Variants in ZFP90 observed in about 807,000 individuals in gnomAD.
ZFP90 encodes ZFP90 zinc finger protein.
A neutral mutation model predicts 60.8 loss-of-function variants in ZFP90; 38 were observed. That is an observed-to-expected ratio of 0.62 (90% CI 0.48 to 0.82). The LOEUF is 0.82. ZFP90 is among the 40% of genes least tolerant of loss of function. The pLI is 0.00. For synonymous variants in ZFP90, 287 were observed against 264.8 expected (o/e 1.08, Z -0.82); for missense variants, 711 against 759.1 (o/e 0.94, Z 0.74).
chr16:68,540,583 T>C (rs2091023975), intron 2 of ZFP90, among the ~76,000 whole-genome samples: 1 of 152,152 alleles, frequency 6.6e-6, no homozygotes, highest in African/African-American at 2.4e-5. Context: ...ATCCAGATGG[T>C]ATCTGTATCT....
At chr16:68,576,496 C>T (rs2091594696), downstream of ZFP90, among the ~76,000 whole-genome samples, 1 of 152,118 alleles carries the variant, frequency 6.6e-6, no homozygotes, top group South Asian at 2.1e-4. Flanking sequence ...CCTGTAATCC[C>T]AGCACTTTGG....
chr16:68,566,155 A>C lies in ZFP90; in HGVS notation c.*1457A>C, dbSNP rs954832383. ...CACATCAATTTATTTTAGTTGTATA[A>C]TGCTTTTCTATTAGTAAAGCATCAG... On this transcript the variant is annotated 3_prime_UTR_variant, in exon 5 of 5. Transcript: ENST00000563169. 2.0e-6 allele frequency: 2 copies of C among 985,346 alleles called. No individual in the cohort carries two copies. The highest frequency in any genetic ancestry group is 3.5e-5 in the African/African-American group (2 of 57,164). The allele number at this position is 985,346 out of a possible 1,614,324, so 61.0% of individuals were successfully genotyped here.
At chr16:68,557,424 TC>T (rs2091363299) in intron 2 of ZFP90, 1 of 362,078 alleles carries the variant, frequency 2.8e-6, no homozygotes, top group Admixed American at 3.3e-5. Context: ...GTGCAATTAT[TC>T]CACTATGCAA....
intron 2 of ZFP90, among the ~76,000 whole-genome samples, chr16:68,540,924 T>TC (rs1430436599): frequency 2.7e-5 from 4 of 150,538 alleles, no homozygotes; most frequent in African/African-American, 9.7e-5. Flanking sequence ...TTTTTTTTTT[T>TC]TTTTTGAAAC....
Position 68,565,367 on chromosome 16 carries a change from G to A in ZFP90, c.*669G>A, listed in dbSNP as rs1268852810. ...TTAAAATAAATTTTAAGATGTATCAGATACACAAACATTTAATGGGCACCT... is the reference window on the plus strand; with the variant it reads ...TTAAAATAAATTTTAAGATGTATCAAATACACAAACATTTAATGGGCACCT... On this transcript the variant is annotated 3_prime_UTR_variant, in exon 5 of 5. Coordinates refer to ENST00000563169, the MANE Select transcript of ZFP90 (RefSeq NM_001305203.2). 3.0e-6 allele frequency: 3 copies of A among 985,476 alleles called. No homozygotes were observed. The highest frequency in any genetic ancestry group is 1.1e-4 in the East Asian group (1 of 8,966). The allele number at this position is 985,476 out of a possible 1,614,324, so 61.0% of individuals were successfully genotyped here.
At chr16:68,571,736 T>C (rs1170431), downstream of ZFP90, among the ~76,000 whole-genome samples, 116,892 of 152,128 alleles carry the variant, frequency 0.77, 44,999 homozygotes, top group East Asian at 0.82. Context: ...GAGACCAGCC[T>C]AAGCAACATA....
At chr16:68,546,780 G>C (rs1461573404) in intron 2 of ZFP90, among the ~76,000 whole-genome samples, 1 of 152,212 alleles carries the variant, frequency 6.6e-6, no homozygotes, top group African/African-American at 2.4e-5. Context: ...CCAAAGTGCT[G>C]GGATTAGAGG....
chr16:68,539,909 C>A (rs1261856118), intron 2 of ZFP90, 84 bp downstream of exon 2: 3 of 1,516,738 alleles, frequency 2.0e-6, no homozygotes, highest in Non-Finnish European at 2.7e-6. Flanking sequence ...AGTCATTGTT[C>A]TCTGCCTGGC....
chr16:68,543,717 C>T (rs576196455), intron 2 of ZFP90, among the ~76,000 whole-genome samples: 7 of 151,880 alleles, frequency 4.6e-5, no homozygotes, highest in East Asian at 1.9e-4. Flanking sequence ...TGTGTCACCA[C>T]GCCCAGCTAA....
upstream of ZFP90, among the ~76,000 whole-genome samples, chr16:68,535,299 C>A (rs185776045): frequency 7.1e-4 from 108 of 152,296 alleles, 1 homozygote; most frequent in East Asian, 0.017. Flanking sequence ...GTTACAAATT[C>A]TCGGGAAAGA....
At chr16:68,557,095 C>T (rs2091356214) in intron 2 of ZFP90, 1 of 430,110 alleles carries the variant, frequency 2.3e-6, no homozygotes, top group Non-Finnish European at 4.7e-6. Context: ...TCAAGTGATC[C>T]TTCCAGCTCA....
chr16:68,564,870 C>G lies in ZFP90; in HGVS notation c.*172C>G, dbSNP rs1381814251. The G allele has an allele frequency of 2.2e-6, 3 of 1,391,400 alleles. No homozygotes were observed. The highest frequency in any genetic ancestry group is 1.5e-5 in the African/African-American group (1 of 67,890). The allele number at this position is 1,391,400 out of a possible 1,614,324, so 86.2% of individuals were successfully genotyped here. On this transcript the variant is annotated 3_prime_UTR_variant, in exon 5 of 5. Transcript: ENST00000563169. ...TTTTTTTTTAACATAAAGACACATT[C>G]TCAGATCTGATTACAGACTAGTGTA...
At chr16:68,543,009 A>T (rs1277678091) in intron 2 of ZFP90, among the ~76,000 whole-genome samples, 1 of 152,140 alleles carries the variant, frequency 6.6e-6, no homozygotes, top group Non-Finnish European at 1.5e-5. Context: ...AAAGGTAGAG[A>T]AAGGTAAGGG....
intron 1 of ZFP90, chr16:68,533,555 T>G (rs762089967): frequency 6.6e-6 from 1 of 152,266 alleles, no homozygotes; most frequent in Non-Finnish European, 1.5e-5. Context: ...CACCCAACTT[T>G]AATGAGTCTC....
upstream of ZFP90, among the ~76,000 whole-genome samples, chr16:68,538,311 C>T (rs113351306): frequency 2.0e-5 from 3 of 152,288 alleles, no homozygotes; most frequent in African/African-American, 7.2e-5. Flanking sequence ...ATGCAATGCT[C>T]TAATGTTAAG....
In ZFP90 at chr16:68,567,094, T is replaced by A; in HGVS notation, c.*2396T>A. The A allele has an allele frequency of 1.0e-6, 1 of 985,560 alleles. No homozygotes were observed. The highest frequency in any genetic ancestry group is 1.2e-6 in the Non-Finnish European group (1 of 829,916). 61.1% of individuals were successfully genotyped at this position (985,560 alleles called of 1,614,324 possible). A position where few individuals can be genotyped will look rare whatever the true frequency, so the allele number is the denominator to read the frequency against. On this transcript the variant is annotated 3_prime_UTR_variant, in exon 5 of 5. Coordinates refer to ENST00000563169, the MANE Select transcript of ZFP90 (RefSeq NM_001305203.2). ...CTACGTGAAATGCATCCTTGTAACA[T>A]CATTGTATTCTTTCAATAAATAGCC...
chr16:68,551,753 GGTTTTT>G (rs939355573), intron 2 of ZFP90, among the ~76,000 whole-genome samples: 2 of 150,104 alleles, frequency 1.3e-5, no homozygotes, highest in South Asian at 2.1e-4. Context: ...GTTGCTTTTT[GGTTTTT>G]GTTTTTGTTT....
At chr16:68,537,948 T>C (rs527988970), upstream of ZFP90, among the ~76,000 whole-genome samples, 7 of 152,232 alleles carry the variant, frequency 4.6e-5, no homozygotes, top group African/African-American at 1.7e-4. Context: ...GTTTTGCTGT[T>C]GTTGCCCAGG....
intron 2 of ZFP90, among the ~76,000 whole-genome samples, chr16:68,549,144 G>T (rs893654142): frequency 6.6e-6 from 1 of 152,114 alleles, no homozygotes; most frequent in Non-Finnish European, 1.5e-5. Context: ...CTCTGGGGTG[G>T]TGACAAGGCT....
Sources: gnomAD v4.1 joint callset for allele counts (sites outside exome capture counted in the v4.1 genomes callset) on GRCh38, gnomAD v4.1.1 for gene constraint, MANE v1.5 for transcripts, NCBI Gene and HGNC (gene_info 2026-07-23, HGNC 2026-07-21) for gene names.